The following PDE7A variants were observed in gnomAD, a reference collection of about 807,000 sequenced individuals.
PDE7A encodes the protein phosphodiesterase 7A, also known as high affinity 3',5'-cyclic-AMP phosphodiesterase 7A.
A neutral mutation model predicts 64.3 loss-of-function variants in PDE7A; 39 were observed. That is an observed-to-expected ratio of 0.61 (90% confidence interval 0.47 to 0.79). The LOEUF (loss-of-function observed/expected upper bound fraction) is 0.79. PDE7A is among the 30% of genes least tolerant of loss of function. PDE7A has a pLI of 0.00. For synonymous variants in PDE7A, 203 were observed against 206.8 expected (o/e 0.98, Z 0.16); for missense variants, 470 against 582.8 (o/e 0.81, Z 1.99).
chr8:65,789,003 T>C (rs1271110763), intron 1 of PDE7A: 15 of 1,596,350 alleles, frequency 9.4e-6, no homozygotes, highest in African/African-American at 2.7e-5. Context: ...GGAAAACTTC[T>C]TAGGAGTCTG....
At chr8:65,801,974 AAATT>A (rs1809998696) in intron 1 of PDE7A, among the ~76,000 whole-genome samples, 1 of 152,250 alleles carries the variant, frequency 6.6e-6, no homozygotes, top group Non-Finnish European at 1.5e-5. Flanking sequence ...AAGAGACAAA[AAATT>A]AAGAAGTCAA....
intron 1 of PDE7A, among the ~76,000 whole-genome samples, chr8:65,822,886 A>G (rs904839539): frequency 6.6e-6 from 1 of 152,196 alleles, no homozygotes; most frequent in Non-Finnish European, 1.5e-5. Flanking sequence ...TTAACAGATT[A>G]TCTGAGGCAG....
At chr8:65,736,430 GCATA>G (rs1315851389) in intron 6 of PDE7A, among the ~76,000 whole-genome samples, 1 of 152,120 alleles carries the variant, frequency 6.6e-6, no homozygotes, top group Non-Finnish European at 1.5e-5. Flanking sequence ...AGTATTTCAG[GCATA>G]CTACTTATAA....
intron 4 of PDE7A, among the ~76,000 whole-genome samples, chr8:65,747,237 T>C (rs1216714049): frequency 6.6e-6 from 1 of 152,192 alleles, no homozygotes; most frequent in Admixed American, 6.5e-5. Flanking sequence ...CTTTCTGTGC[T>C]GGGTTTACCT....
At chr8:65,839,089 A>G (rs1461428663) in intron 1 of PDE7A, among the ~76,000 whole-genome samples, 1 of 152,218 alleles carries the variant, frequency 6.6e-6, no homozygotes, top group Admixed American at 6.5e-5. Flanking sequence ...CATTCAACAA[A>G]TATTTATTAA....
chr8:65,757,096 A>C (rs1808269504), intron 3 of PDE7A, among the ~76,000 whole-genome samples: 1 of 152,120 alleles, frequency 6.6e-6, no homozygotes, highest in African/African-American at 2.4e-5. Flanking sequence ...GAAGCTTCAT[A>C]ATGTCAGCAT....
intron 1 of PDE7A, among the ~76,000 whole-genome samples, chr8:65,802,984 T>C (rs901026731): frequency 6.6e-6 from 1 of 152,138 alleles, no homozygotes; most frequent in Non-Finnish European, 1.5e-5. Context: ...TTTTGCCACA[T>C]AATGTGCCTG....
chr8:65,798,207 T>TATATATATATATATATATA (rs552708184), intron 1 of PDE7A, among the ~76,000 whole-genome samples: 1 of 15,466 alleles, frequency 6.5e-5, no homozygotes, highest in African/African-American at 2.1e-4. Context: ...TATATATATA[T>TATATATATATATATATATA]TTTTTTTTTT....
intron 1 of PDE7A, among the ~76,000 whole-genome samples, chr8:65,821,774 AAT>A (rs1256037534): frequency 6.6e-6 from 1 of 152,200 alleles, no homozygotes; most frequent in Non-Finnish European, 1.5e-5. Flanking sequence ...AAAACTATAA[AAT>A]ATATCAGTAT....
rs779701295 is a variant in PDE7A at position 65,715,996 on chromosome 8, C to CAAAAAAAA, written c.*3286_*3293dup. 3.0e-5 allele frequency among the ~76,000 whole-genome samples: 1 copy of CAAAAAAAA among 33,860 alleles called. No homozygotes were observed. The highest frequency in any genetic ancestry group is 4.7e-5 in the Non-Finnish European group (1 of 21,116). The allele number at this position is 33,860 out of a possible 152,430, so 22.2% of individuals were successfully genotyped here. On this transcript the variant is annotated 3_prime_UTR_variant, in exon 13 of 13. Coordinates refer to ENST00000401827, the MANE Select transcript of PDE7A (RefSeq NM_001242318.3). ...TGGGCGACAGAGCAAGGCTCTGTCTCAAAAAAAAAAAAAAAAAAAAAAAAA... is the reference window on the plus strand; with the variant it reads ...TGGGCGACAGAGCAAGGCTCTGTCTCAAAAAAAAAAAAAAAAAAAAAAAAAAAAAAAAA...
intron 1 of PDE7A, among the ~76,000 whole-genome samples, chr8:65,824,006 C>T (rs1045694642): frequency 3.3e-5 from 5 of 151,952 alleles, no homozygotes. Flanking sequence ...AAACAAGAGC[C>T]AATAGAAACA....
At chr8:65,784,843 T>G (rs1489604062) in intron 1 of PDE7A, among the ~76,000 whole-genome samples, 1 of 151,974 alleles carries the variant, frequency 6.6e-6, no homozygotes, top group Non-Finnish European at 1.5e-5. Context: ...TATAAAAAAA[T>G]GCTTGACTTC....
chr8:65,795,233 A>G (rs556885547), intron 1 of PDE7A, among the ~76,000 whole-genome samples: 2 of 152,346 alleles, frequency 1.3e-5, no homozygotes, highest in South Asian at 4.1e-4. Flanking sequence ...GGAAAAAACC[A>G]AGGTAAGCCC....
At chr8:65,794,937 T>C (rs966098623) in intron 1 of PDE7A, among the ~76,000 whole-genome samples, 6 of 152,166 alleles carry the variant, frequency 3.9e-5, no homozygotes, top group South Asian at 4.1e-4. Flanking sequence ...AATGCGACAA[T>C]GTAATCTCAT....
At chr8:65,834,823 A>T (rs1205276970) in intron 1 of PDE7A, among the ~76,000 whole-genome samples, 3 of 152,180 alleles carry the variant, frequency 2.0e-5, no homozygotes, top group African/African-American at 7.2e-5. Context: ...TGTCAACCAT[A>T]CAATCATTGG....
At chr8:65,774,333 T>A (rs1809197227) in intron 3 of PDE7A, among the ~76,000 whole-genome samples, 2 of 146,092 alleles carry the variant, frequency 1.4e-5, no homozygotes, top group Non-Finnish European at 1.5e-5. Flanking sequence ...TAAAAAGTTA[T>A]ATTTGCTTTA....
chr8:65,795,056 AG>A (rs1186306130), intron 1 of PDE7A, among the ~76,000 whole-genome samples: 1 of 152,258 alleles, frequency 6.6e-6, no homozygotes, highest in Non-Finnish European at 1.5e-5. Context: ...AATCTTCGCC[AG>A]CAAAAAACAT....
chr8:65,766,095 G>A (rs1007685085), intron 3 of PDE7A, among the ~76,000 whole-genome samples: 67 of 152,012 alleles, frequency 4.4e-4, no homozygotes, highest in Non-Finnish European at 2.2e-4. Context: ...ACAGGCGCCC[G>A]CCACCACGCC....
chr8:65,719,529 T>G (rs1164824872), intron 12 of PDE7A, 34 bp from the exon 13 acceptor site: 1 of 1,363,618 alleles, frequency 7.3e-7, no homozygotes, highest in African/African-American at 1.4e-5. Flanking sequence ...TATTAACATA[T>G]ATGCTGAAAC....
Sources: allele counts gnomAD v4.1 joint callset (sites outside exome capture counted in the v4.1 genomes callset), GRCh38; gene constraint gnomAD v4.1.1; transcripts MANE v1.5; gene names NCBI Gene and HGNC (gene_info 2026-07-23, HGNC 2026-07-21).